SLC25A24: variants seen among roughly 807,000 people sequenced by gnomAD.
SLC25A24 encodes the protein mitochondrial adenyl nucleotide antiporter SLC25A24.
Under a neutral mutation model 60.7 loss-of-function variants are expected in SLC25A24, and 49 were observed. That is an observed-to-expected ratio of 0.81 (90% CI 0.64 to 1.02). The LOEUF (loss-of-function observed/expected upper bound fraction) is 1.02, where lower values mean the gene tolerates loss of function less well. Ranked by LOEUF, SLC25A24 falls within the 50% of genes least tolerant of loss-of-function variation. SLC25A24 has a pLI of 0.00. For missense variants in SLC25A24, 564 were observed against 586.3 expected (o/e 0.96, Z 0.39); for synonymous variants, 202 against 200.6 (o/e 1.01, Z -0.06).
Position 108,148,341 on chromosome 1 carries a change from C to CA in SLC25A24, c.867dup (p.Glu290Ter), listed in dbSNP as rs758182736. 3.6e-5 allele frequency: 58 copies of CA among 1,613,174 alleles called. No homozygotes were observed. The highest frequency in any genetic ancestry group is 4.1e-5 in the Non-Finnish European group (48 of 1,179,320). On this transcript the variant is annotated frameshift_variant, in exon 7 of 10. Coordinates refer to ENST00000565488, the MANE Select transcript of SLC25A24 (RefSeq NM_013386.5). LOFTEE classifies it high-confidence loss of function. ...GCCATGGAACCAGAAATAAATCTCT[C>CA]AAATGTTCCTATTTTTTGTCCTTCT... is the stretch of plus-strand genomic sequence containing the variant.
At chr1:108,173,751 T>G (rs114770577) in intron 3 of SLC25A24, among the ~76,000 whole-genome samples, 1 of 152,182 alleles carries the variant, frequency 6.6e-6, no homozygotes, top group Non-Finnish European at 1.5e-5. Flanking sequence ...CAGAGACTTG[T>G]TGAATTGCTT....
At chr1:108,155,619 G>A (rs528359886) in intron 5 of SLC25A24, among the ~76,000 whole-genome samples, 3 of 152,192 alleles carry the variant, frequency 2.0e-5, no homozygotes, top group African/African-American at 7.2e-5. Context: ...GACATGAACT[G>A]TAAATGGGTC....
chr1:108,196,701 C>T (rs541624943), intron 1 of SLC25A24, among the ~76,000 whole-genome samples: 2 of 152,288 alleles, frequency 1.3e-5, no homozygotes, highest in South Asian at 2.1e-4. Context: ...TTTCCGGTTC[C>T]ATGGACCACT....
chr1:108,160,961 C>T (rs1250586818), intron 4 of SLC25A24, among the ~76,000 whole-genome samples: 5 of 151,030 alleles, frequency 3.3e-5, no homozygotes, highest in Admixed American at 3.3e-4. Context: ...AGAGGGAGAC[C>T]GTGGGGAGGG....
At chr1:108,144,777 T>C (rs1287513084) in intron 7 of SLC25A24, among the ~76,000 whole-genome samples, 1 of 152,246 alleles carries the variant, frequency 6.6e-6, no homozygotes, top group Non-Finnish European at 1.5e-5. Flanking sequence ...TGTTTATGGC[T>C]GCATAGTATT....
chr1:108,148,419 A>G, intron 6 of SLC25A24, 33 bp from the exon 7 acceptor site: 1 of 1,217,250 alleles, frequency 8.2e-7, no homozygotes, highest in Non-Finnish European at 1.2e-6. Context: ...GCACATTACT[A>G]CCTGCTGTGG....
At chr1:108,142,195 A>G (rs1432764270) in intron 8 of SLC25A24, among the ~76,000 whole-genome samples, 1 of 152,170 alleles carries the variant, frequency 6.6e-6, no homozygotes, top group East Asian at 1.9e-4. Context: ...TGCAGCCACT[A>G]TGGAAAACAG....
At chr1:108,150,775 C>T (rs1383626819) in intron 6 of SLC25A24, among the ~76,000 whole-genome samples, 2 of 151,800 alleles carry the variant, frequency 1.3e-5, no homozygotes, top group Admixed American at 6.5e-5. Flanking sequence ...CCATCTCCCA[C>T]TCCCTTTCCC....
chr1:108,155,346 A>G (rs1205614113), intron 5 of SLC25A24, among the ~76,000 whole-genome samples: 3 of 152,120 alleles, frequency 2.0e-5, no homozygotes, highest in Non-Finnish European at 4.4e-5. Flanking sequence ...AACTAAGAAT[A>G]ATTGGTATCT....
chr1:108,180,579 A>G (rs1382642529), intron 3 of SLC25A24, among the ~76,000 whole-genome samples: 3 of 150,860 alleles, frequency 2.0e-5, no homozygotes, highest in South Asian at 2.1e-4. Flanking sequence ...CCCTGATCCA[A>G]CAGGACTATG....
chr1:108,148,429 G>A, intron 6 of SLC25A24, 43 bp from the exon 7 acceptor site: 2 of 1,089,816 alleles, frequency 1.8e-6, no homozygotes, highest in Middle Eastern at 2.2e-4. Flanking sequence ...ACCTGCTGTG[G>A]ACTGAGCTGC....
chr1:108,194,958 C>G (rs540278356), intron 1 of SLC25A24, among the ~76,000 whole-genome samples: 1 of 152,328 alleles, frequency 6.6e-6, no homozygotes, highest in East Asian at 1.9e-4. Context: ...ATAATAATAA[C>G]TATTACATCC....
chr1:108,150,436 T>G lies in SLC25A24; in HGVS notation c.823-2050A>C, dbSNP rs566913218. 5.3e-5 allele frequency among the ~76,000 whole-genome samples: 8 copies of G among 152,322 alleles called. No individual in the cohort carries two copies. In the South Asian group the frequency reaches 1.7e-3, roughly 32 times the overall value. On this transcript the variant is annotated intron_variant, in intron 6 of 9. Transcript: ENST00000565488. The stretch of plus-strand genomic sequence containing the variant: ...TGAACCTTCCTAAAGGAGACTTAAC[T>G]GAGCCCTCAAAACCACCCTGAAATC...
At chr1:108,164,253 CTT>C (rs1680177964) in intron 3 of SLC25A24, among the ~76,000 whole-genome samples, 1 of 151,938 alleles carries the variant, frequency 6.6e-6, no homozygotes, top group Non-Finnish European at 1.5e-5. Flanking sequence ...CTAAAATTCT[CTT>C]TTTTTGTTGT....
intron 3 of SLC25A24, among the ~76,000 whole-genome samples, chr1:108,179,475 T>C (rs1349497489): frequency 6.6e-6 from 1 of 152,206 alleles, no homozygotes; most frequent in South Asian, 2.1e-4. Flanking sequence ...ATGTTCATTA[T>C]AGCACTATTC....
intron 9 of SLC25A24, among the ~76,000 whole-genome samples, chr1:108,137,477 T>A (rs929891806): frequency 4.6e-5 from 7 of 152,212 alleles, no homozygotes; most frequent in Non-Finnish European, 8.8e-5. Flanking sequence ...TGCAGCCAAT[T>A]GTTGTATGTG....
At chr1:108,163,589 C>G (rs1295699230) in intron 3 of SLC25A24, among the ~76,000 whole-genome samples, 1 of 151,976 alleles carries the variant, frequency 6.6e-6, no homozygotes, top group Admixed American at 6.6e-5. Flanking sequence ...TGATTTGGCT[C>G]TCTGTCTGTT....
intron 3 of SLC25A24, among the ~76,000 whole-genome samples, chr1:108,164,953 C>T (rs1366652116): frequency 7.0e-6 from 1 of 142,390 alleles, no homozygotes; most frequent in East Asian, 2.0e-4. Flanking sequence ...TCCCTCTACA[C>T]ACTGCTTTGA....
At chr1:108,187,413 A>G (rs781024612) in intron 1 of SLC25A24, among the ~76,000 whole-genome samples, 14 of 152,196 alleles carry the variant, frequency 9.2e-5, no homozygotes, top group Non-Finnish European at 1.5e-4. Flanking sequence ...TTCTTTGAAA[A>G]GACTAATAAA....
Sources: allele counts gnomAD v4.1 joint callset (sites outside exome capture counted in the v4.1 genomes callset), GRCh38; gene constraint gnomAD v4.1.1; transcripts MANE v1.5; gene names NCBI Gene and HGNC (gene_info 2026-07-23, HGNC 2026-07-21).